Variants in IQCH observed in about 807,000 individuals in gnomAD.
IQCH encodes the protein IQ motif containing H, also known as IQ domain-containing protein H.
IQCH carries 98 observed loss-of-function variants against 117.0 expected under a neutral mutation model. The observed-to-expected ratio is 0.84, with a 90% CI of 0.71 to 0.99. IQCH has a LOEUF of 0.99. Ranked by LOEUF, IQCH falls within the 50% of genes least tolerant of loss-of-function variation. IQCH has a pLI of 0.00. For synonymous variants in IQCH, 412 were observed against 448.2 expected (o/e 0.92, Z 1.02); for missense variants, 1,102 against 1,243.8 (o/e 0.89, Z 1.72).
intron 4 of IQCH, among the ~76,000 whole-genome samples, chr15:67,331,195 G>C (rs1164773056): frequency 6.6e-6 from 1 of 152,128 alleles, no homozygotes; most frequent in Non-Finnish European, 1.5e-5. Flanking sequence ...AGCAAGGGAG[G>C]GGAAATGGAA....
Position 67,443,267 on chromosome 15 carries a change from C to T in IQCH, c.2505+21690C>T, listed in dbSNP as rs144050636. Among the ~76,000 whole-genome samples, 2 of 152,350 alleles carry T rather than the reference C, an allele frequency of 1.3e-5. No individual in the cohort carries two copies. The highest frequency in any genetic ancestry group is 2.9e-5 in the Non-Finnish European group (2 of 68,038). ...TCGGCCTCCCAAAGTGCTGGGATTA[C>T]AGGCGTGAGCCACTGCGCCCAGCCT... is the stretch of plus-strand genomic sequence containing the variant. On this transcript the variant is annotated intron_variant, in intron 16 of 20. Transcript: ENST00000335894. The surrounding 1 kb of genome is among the most constrained non-coding windows in gnomAD (Gnocchi z 5.0).
chr15:67,489,681 A>G (rs1202866937), intron 18 of IQCH, among the ~76,000 whole-genome samples: 4 of 151,898 alleles, frequency 2.6e-5, no homozygotes, highest in Non-Finnish European at 4.4e-5. Flanking sequence ...GTACACAAGA[A>G]TCATCCAAGA....
At chr15:67,440,068 T>A (rs1295724486) in intron 16 of IQCH, among the ~76,000 whole-genome samples, 1 of 151,668 alleles carries the variant, frequency 6.6e-6, no homozygotes, top group Non-Finnish European at 1.5e-5. Context: ...AGACAAAAGA[T>A]CATTGAAGGC....
intron 3 of IQCH, among the ~76,000 whole-genome samples, chr15:67,278,450 T>C (rs1327716047): frequency 6.6e-6 from 1 of 152,222 alleles, no homozygotes; most frequent in East Asian, 1.9e-4. Flanking sequence ...GAAGCGTTCT[T>C]GTCAGTGTAG....
intron 5 of IQCH, among the ~76,000 whole-genome samples, chr15:67,338,029 G>T (rs1968970686): frequency 6.6e-6 from 1 of 152,118 alleles, no homozygotes; most frequent in South Asian, 2.1e-4. Flanking sequence ...CCATTGTTCA[G>T]CAATCTTTGT....
rs1388661561 is a variant in IQCH, at chr15:67,417,997, C to G, written c.2218+946C>G. On this transcript the variant is annotated intron_variant, in intron 15 of 20. Coordinates refer to ENST00000335894, the MANE Select transcript of IQCH (RefSeq NM_001031715.3). This position sits in a 1 kb window ranked among gnomAD's most constrained non-coding sequence, Gnocchi z 4.3. Reference sequence around the variant, plus strand: ...TAGATAGTGCTTATTATGGGCCAGGCACTCTTCTAAGTATATCTATGTTAA... The same window carrying G: ...TAGATAGTGCTTATTATGGGCCAGGGACTCTTCTAAGTATATCTATGTTAA... 6.6e-6 allele frequency among the ~76,000 whole-genome samples: 1 copy of G among 152,140 alleles called. No individual in the cohort carries two copies. The highest frequency in any genetic ancestry group is 1.5e-5 in the Non-Finnish European group (1 of 68,026).
rs971103308 is a variant in IQCH, at chr15:67,390,926, ATC to A, written c.1632+1926_1632+1927del. ...TAGTAAGGCCAGAGTGTGAACCAAAATCTCTCTACCGCAGAGCAGTATCATGA... is the reference window on the plus strand; with the variant it reads ...TAGTAAGGCCAGAGTGTGAACCAAAATCTCTACCGCAGAGCAGTATCATGA... On this transcript the variant is annotated intron_variant, in intron 12 of 20. Transcript: ENST00000335894. This position sits in a 1 kb window ranked among gnomAD's most constrained non-coding sequence, Gnocchi z 5.0. 3.9e-5 allele frequency among the ~76,000 whole-genome samples: 6 copies of A among 152,126 alleles called. No homozygotes were observed. The highest frequency in any genetic ancestry group is 5.9e-5 in the Non-Finnish European group (4 of 68,006).
chr15:67,490,065 G>T lies in IQCH; in HGVS notation c.2861+1G>T. The T allele has an allele frequency of 6.2e-7, 1 of 1,603,138 alleles. No homozygotes were observed. Among genetic ancestry groups the T allele is most frequent in the South Asian group, 1.1e-5 (1 of 90,708 alleles). Reference sequence around the variant, plus strand: ...TGAAGAGACACAAGTTGGGAATGTTGTGAGTATGAAGTGTATCTGTGAGTT... The same window carrying T: ...TGAAGAGACACAAGTTGGGAATGTTTTGAGTATGAAGTGTATCTGTGAGTT... On this transcript the variant is annotated splice_donor_variant, in intron 19 of 20. Coordinates refer to ENST00000335894, the MANE Select transcript of IQCH (RefSeq NM_001031715.3). LOFTEE classifies it high-confidence loss of function. The surrounding 1 kb of genome is among the most constrained non-coding windows in gnomAD (Gnocchi z 4.9).
chr15:67,380,693 T>C, intron 10 of IQCH, among the ~76,000 whole-genome samples: 1 of 152,240 alleles, frequency 6.6e-6, no homozygotes, highest in East Asian at 1.9e-4. Flanking sequence ...TCTGTATCAA[T>C]GTCACTCTTC....
intron 4 of IQCH, among the ~76,000 whole-genome samples, chr15:67,281,001 A>T (rs961574450): frequency 2.0e-5 from 3 of 151,876 alleles, no homozygotes; most frequent in African/African-American, 7.3e-5. Flanking sequence ...ACCCACCACC[A>T]CGCCCGGCTA....
chr15:67,460,455 C>T (rs2082764369), intron 16 of IQCH, among the ~76,000 whole-genome samples: 1 of 152,222 alleles, frequency 6.6e-6, no homozygotes, highest in Non-Finnish European at 1.5e-5. Context: ...AAAAGTTCCT[C>T]ACAACCACTG....
intron 4 of IQCH, among the ~76,000 whole-genome samples, chr15:67,321,948 T>C (rs559050539): frequency 6.6e-6 from 1 of 152,302 alleles, no homozygotes; most frequent in South Asian, 2.1e-4. Context: ...CTACAATTGT[T>C]GGTTTGTGGT....
chr15:67,291,403 C>T (rs1256453988), intron 4 of IQCH, among the ~76,000 whole-genome samples: 2 of 152,036 alleles, frequency 1.3e-5, no homozygotes, highest in Non-Finnish European at 2.9e-5. Context: ...GGGACTTCAA[C>T]AGTCATCTAA....
chr15:67,254,974 G>T, intron 1 of IQCH, 27 bp downstream of exon 1: 2 of 1,604,486 alleles, frequency 1.2e-6, no homozygotes, highest in Non-Finnish European at 1.7e-6. Context: ...CCCCGGCCCT[G>T]CCCTGCCCAG....
intron 3 of IQCH, among the ~76,000 whole-genome samples, chr15:67,266,715 A>C (rs1245286940): frequency 6.6e-6 from 1 of 152,178 alleles, no homozygotes. Context: ...TTCAGCATTG[A>C]TGATAGGTAT....
intron 4 of IQCH, among the ~76,000 whole-genome samples, chr15:67,288,637 A>G (rs1966648921): frequency 6.6e-6 from 1 of 151,974 alleles, no homozygotes; most frequent in Non-Finnish European, 1.5e-5. Context: ...GTGTGTCTTT[A>G]TAGGTAAAAT....
Position 67,390,387 on chromosome 15 carries a change from T to G in IQCH, c.1632+1381T>G, listed in dbSNP as rs1971245830. ...GTAAGGAGTTTCTGCACATCTGAAA[T>G]GCCCATATACATTAAAGAGGCATAG... On this transcript the variant is annotated intron_variant, in intron 12 of 20. Coordinates refer to ENST00000335894, the MANE Select transcript of IQCH (RefSeq NM_001031715.3). This position sits in a 1 kb window ranked among gnomAD's most constrained non-coding sequence, Gnocchi z 5.0. Among the ~76,000 whole-genome samples, 1 of 152,110 alleles carries G rather than the reference T, an allele frequency of 6.6e-6. No homozygotes were observed.
intron 19 of IQCH, among the ~76,000 whole-genome samples, chr15:67,492,441 T>C (rs772568400): frequency 1.7e-4 from 26 of 151,960 alleles, no homozygotes; most frequent in South Asian, 2.1e-4. Context: ...AGAAGAGCAA[T>C]CAGACAGGCC....
rs1971964016 is a variant in IQCH, at chr15:67,407,726, G to T, written c.2097+7421G>T. 1 of 152,214 alleles carries T rather than the reference G, an allele frequency of 6.6e-6. No homozygotes were observed. Among genetic ancestry groups the T allele is most frequent in the Non-Finnish European group, 1.5e-5 (1 of 68,034 alleles). The allele number at this position is 152,214 out of a possible 1,614,324, so 9.4% of individuals were successfully genotyped here. A position where few individuals can be genotyped will look rare whatever the true frequency, so the allele number is the denominator to read the frequency against. ...ACAGCGTTTTGCCATTAAATAGGAA[G>T]CTTTGTGTAAACTAATTACTAGGTA... On this transcript the variant is annotated intron_variant, in intron 14 of 20. Transcript: ENST00000335894. The surrounding 1 kb of genome is among the most constrained non-coding windows in gnomAD (Gnocchi z 5.3).
Sources: gnomAD v4.1 joint callset for allele counts (sites outside exome capture counted in the v4.1 genomes callset) on GRCh38, gnomAD v4.1.1 for gene constraint, Gnocchi (gnomAD v3.1) non-coding constraint, MANE v1.5 for transcripts, NCBI Gene and HGNC (gene_info 2026-07-23, HGNC 2026-07-21) for gene names.